CARS1: variants seen among roughly 807,000 people sequenced by gnomAD.
The protein encoded by CARS1 is cysteinyl-tRNA synthetase 1.
CARS1 carries 48 observed loss-of-function variants against 106.2 expected under a neutral mutation model. The observed-to-expected ratio is 0.45, with a 90% CI of 0.36 to 0.57. CARS1 has a LOEUF of 0.57. Among genes scored for constraint, CARS1 ranks in the 20% least tolerant of loss-of-function variants. The pLI, the probability that CARS1 is intolerant of heterozygous loss-of-function variation, is 0.00. For synonymous variants in CARS1, 409 were observed against 403.4 expected (o/e 1.01, Z -0.17); for missense variants, 968 against 1,057.2 (o/e 0.92, Z 1.17).
At chr11:3,031,681 AAGAC>A (rs1237582108) in intron 7 of CARS1, 1 of 152,244 alleles carries the variant, frequency 6.6e-6, no homozygotes, top group Admixed American at 6.5e-5. Flanking sequence ...CCAACAGGAG[AAGAC>A]AGACAATCAC....
Position 3,001,298 on chromosome 11 carries a change from C to A in CARS1, c.2362-50G>T, listed in dbSNP as rs1590297609. 2.5e-6 allele frequency: 4 copies of A among 1,600,678 alleles called. No individual in the cohort carries two copies. In the East Asian group the frequency reaches 8.9e-5, roughly 36 times the overall value. On this transcript the variant is annotated intron_variant, in intron 22 of 22. Coordinates refer to ENST00000380525, the MANE Select transcript of CARS1 (RefSeq NM_001014437.3). ...ATTGGTCTCCTCTGCACCTGGGTAA[C>A]CCCAACTCCCCTTTCTTTGCCCTCC...
Position 3,043,583 on chromosome 11 carries a change from C to T in CARS1, c.275-1327G>A, listed in dbSNP as rs567955570. ...CTGACCTGTGCCCACCCCAGCAGGC[C>T]GCCTGGCAGCTCACCAGGGTGCTCG... On this transcript the variant is annotated intron_variant, in intron 2 of 22. Coordinates refer to ENST00000380525, the MANE Select transcript of CARS1 (RefSeq NM_001014437.3). This position sits in a 1 kb window ranked among gnomAD's most constrained non-coding sequence, Gnocchi z 4.0. 1.3e-5 allele frequency among the ~76,000 whole-genome samples: 2 copies of T among 151,514 alleles called. No individual in the cohort carries two copies. Among genetic ancestry groups the T allele is most frequent in the Non-Finnish European group, 2.9e-5 (2 of 67,896 alleles).
In CARS1 at chr11:3,038,814, A is replaced by G. The variant is rs1854027342; in HGVS notation, c.651+380T>C. Among the ~76,000 whole-genome samples, 1 of 152,260 alleles carries G rather than the reference A, an allele frequency of 6.6e-6. No homozygotes were observed. Among genetic ancestry groups the G allele is most frequent in the Non-Finnish European group, 1.5e-5 (1 of 68,046 alleles). ...AAATTTACAGTATTACCAAATTAAA[A>G]AGCTTAGTATAGCTTTTGTATCTTG... On this transcript the variant is annotated intron_variant, in intron 6 of 22. Transcript: ENST00000380525. This position sits in a 1 kb window ranked among gnomAD's most constrained non-coding sequence, Gnocchi z 4.0.
Position 3,057,269 on chromosome 11 carries a change from G to T in CARS1, c.25+74C>A, listed in dbSNP as rs965447423. ...GGCCCCTCAGACATAAGGACTCGCT[G>T]CCCTTCGAGCCGAGCACCCAGCGCC... On this transcript the variant is annotated intron_variant, in intron 1 of 22. Transcript: ENST00000380525. The T allele has an allele frequency of 9.1e-6, 12 of 1,321,832 alleles. No individual in the cohort carries two copies. The Admixed American group carries it at 1.7e-4, about 18-fold the overall frequency. The allele number at this position is 1,321,832 out of a possible 1,614,324, so 81.9% of individuals were successfully genotyped here. A position where few individuals can be genotyped will look rare whatever the true frequency, so the allele number is the denominator to read the frequency against.
intron 16 of CARS1, among the ~76,000 whole-genome samples, chr11:3,016,222 CT>C (rs34717371): frequency 0.37 from 50,473 of 136,536 alleles, 8,994 homozygotes; most frequent in African/African-American, 0.42. Flanking sequence ...TTTTGCTTCT[CT>C]TTTTTTTTTT....
At position 3,022,250 on chromosome 11, in the gene CARS1, T is replaced by A. The variant is rs139639828; in HGVS notation, c.1154-1918A>T. Among the ~76,000 whole-genome samples, 37 of 152,324 alleles carry A rather than the reference T, an allele frequency of 2.4e-4. No individual in the cohort carries two copies. The East Asian group carries it at 6.0e-3, about 25-fold the overall frequency. ...TTTTACCAAGAACTGCTTAAGGTAT[T>A]TTTTGGATCCTGAATTCCAGCAGGA... is the stretch of plus-strand genomic sequence containing the variant. On this transcript the variant is annotated intron_variant, in intron 10 of 22. Transcript: ENST00000380525. The surrounding 1 kb of genome is among the most constrained non-coding windows in gnomAD (Gnocchi z 4.9).
chr11:3,044,071 G>A lies in CARS1; in HGVS notation c.275-1815C>T, dbSNP rs1030763869. On this transcript the variant is annotated intron_variant, in intron 2 of 22. Coordinates refer to ENST00000380525, the MANE Select transcript of CARS1 (RefSeq NM_001014437.3). The surrounding 1 kb of genome is among the most constrained non-coding windows in gnomAD (Gnocchi z 4.4). ...CTCAATGCCTGGAGGCATTCAACCG[G>A]CCACTCTAGGATCCCATCACTCTCC... Among the ~76,000 whole-genome samples, 3 of 152,160 alleles carry A rather than the reference G, an allele frequency of 2.0e-5. No homozygotes were observed. Among genetic ancestry groups the A allele is most frequent in the South Asian group, 4.1e-4 (2 of 4,828 alleles).
At chr11:3,012,424 C>T (rs1850570957) in intron 17 of CARS1, 148 bp from the exon 18 acceptor site, 1 of 684,470 alleles carries the variant, frequency 1.5e-6, no homozygotes, top group South Asian at 1.7e-5. Context: ...CATCCCAGAG[C>T]CTGGACGCTC....
Position 3,028,598 on chromosome 11 carries a change from G to A in CARS1, c.1031+398C>T, listed in dbSNP as rs1046684086. On this transcript the variant is annotated intron_variant, in intron 9 of 22. Transcript: ENST00000380525. The surrounding 1 kb of genome is among the most constrained non-coding windows in gnomAD (Gnocchi z 4.4). ...AAAGTCACTAAAATCATAGCCAAGC[G>A]ATAGATGCTGATGAAATGCATCCTC... is the stretch of plus-strand genomic sequence containing the variant. The A allele has an allele frequency of 4.0e-5, 11 of 274,986 alleles. No individual in the cohort carries two copies. Among genetic ancestry groups the A allele is most frequent in the African/African-American group, 1.8e-4 (8 of 45,210 alleles). 17.0% of individuals were successfully genotyped at this position (274,986 alleles called of 1,614,324 possible).
chr11:3,036,348 GC>G (rs1377886444), intron 7 of CARS1, among the ~76,000 whole-genome samples: 3 of 152,134 alleles, frequency 2.0e-5, no homozygotes, highest in Admixed American at 2.0e-4. Flanking sequence ...ACACAACCCA[GC>G]GATTCCACTT....
In CARS1 at chr11:3,048,898, A is replaced by G. The variant is rs1434293464; in HGVS notation, c.26-897T>C. ...AAAGCAGTAAGCGTGCACCTCCACC[A>G]CTCAGGTGTGTCACTCAAGGACCCA... On this transcript the variant is annotated intron_variant, in intron 1 of 22. Transcript: ENST00000380525. This position sits in a 1 kb window ranked among gnomAD's most constrained non-coding sequence, Gnocchi z 5.1. 6.6e-6 allele frequency among the ~76,000 whole-genome samples: 1 copy of G among 151,910 alleles called. No homozygotes were observed. Among genetic ancestry groups the G allele is most frequent in the African/African-American group, 2.4e-5 (1 of 41,328 alleles).
In CARS1 at chr11:3,050,911, C is replaced by T. The variant is rs910618385; in HGVS notation, c.26-2910G>A. The stretch of plus-strand genomic sequence containing the variant: ...CCGCATTTCTTTCCTTCACCATCTG[C>T]CCCACCGCTCCATCTACCTTATTCA... On this transcript the variant is annotated intron_variant, in intron 1 of 22. Transcript: ENST00000380525. This position sits in a 1 kb window ranked among gnomAD's most constrained non-coding sequence, Gnocchi z 6.3. Among the ~76,000 whole-genome samples the T allele has an allele frequency of 1.3e-5, 2 of 152,224 alleles. No homozygotes were observed. The highest frequency in any genetic ancestry group is 2.9e-5 in the Non-Finnish European group (2 of 68,040).
chr11:3,010,610 T>TAA (rs1293067257), intron 18 of CARS1, among the ~76,000 whole-genome samples: 1 of 152,176 alleles, frequency 6.6e-6, no homozygotes, highest in Non-Finnish European at 1.5e-5. Context: ...CCAGAGCACT[T>TAA]GTGGCAGCCC....
At position 3,039,698 on chromosome 11, in the gene CARS1, C is replaced by G; in HGVS notation, c.552+137G>C. ...TAGCAGAAGTGGTAATATTAACTCA[C>G]TGAGGGGATTAAAATGATGTTTATC... On this transcript the variant is annotated intron_variant, in intron 5 of 22. Transcript: ENST00000380525. This position sits in a 1 kb window ranked among gnomAD's most constrained non-coding sequence, Gnocchi z 5.6. 2 of 573,226 alleles carry G rather than the reference C, an allele frequency of 3.5e-6. No individual in the cohort carries two copies. The highest frequency in any genetic ancestry group is 6.1e-6 in the Non-Finnish European group (2 of 326,638). The allele number at this position is 573,226 out of a possible 1,614,324, so 35.5% of individuals were successfully genotyped here. A position where few individuals can be genotyped will look rare whatever the true frequency, so the allele number is the denominator to read the frequency against.
chr11:3,048,120 T>C lies in CARS1; in HGVS notation c.26-119A>G. ...GGAAAAAGGTGTTCAAGCCCTTCCC[T>C]GGACGCCAAACATCCAGAACAGGCA... On this transcript the variant is annotated intron_variant, in intron 1 of 22. Coordinates refer to ENST00000380525, the MANE Select transcript of CARS1 (RefSeq NM_001014437.3). The surrounding 1 kb of genome is among the most constrained non-coding windows in gnomAD (Gnocchi z 5.1). 3 of 1,267,566 alleles carry C rather than the reference T, an allele frequency of 2.4e-6. No individual in the cohort carries two copies. The highest frequency in any genetic ancestry group is 3.0e-5 in the South Asian group (2 of 67,022). The allele number at this position is 1,267,566 out of a possible 1,614,324, so 78.5% of individuals were successfully genotyped here. A position where few individuals can be genotyped will look rare whatever the true frequency, so the allele number is the denominator to read the frequency against.
intron 3 of CARS1, 50 bp downstream of exon 3, chr11:3,042,115 T>C: frequency 7.1e-7 from 1 of 1,415,974 alleles, no homozygotes; most frequent in Admixed American, 1.7e-5. Context: ...CTGTCCTGCC[T>C]CCTGCCTCCC....
chr11:3,040,011 A>G lies in CARS1; in HGVS notation c.456-80T>C, dbSNP rs529057161. On this transcript the variant is annotated intron_variant, in intron 4 of 22. Coordinates refer to ENST00000380525, the MANE Select transcript of CARS1 (RefSeq NM_001014437.3). This position sits in a 1 kb window ranked among gnomAD's most constrained non-coding sequence, Gnocchi z 5.8. ...CTCCAACAACACGTGTTTGAACTGCATGAGTGCATTTATATATGATTTTCT... is the reference window on the plus strand; with the variant it reads ...CTCCAACAACACGTGTTTGAACTGCGTGAGTGCATTTATATATGATTTTCT... The G allele has an allele frequency of 3.4e-5, 24 of 705,114 alleles. No homozygotes were observed. The South Asian group carries it at 4.0e-4, about 12-fold the overall frequency. 43.7% of individuals were successfully genotyped at this position (705,114 alleles called of 1,614,324 possible).
At chr11:3,026,576 A>C in intron 10 of CARS1, 100 bp downstream of exon 10, 3 of 1,266,192 alleles carry the variant, frequency 2.4e-6, no homozygotes, top group Non-Finnish European at 3.3e-6. Context: ...CAAGAGTCTG[A>C]GGGGTGGGCT....
intron 7 of CARS1, among the ~76,000 whole-genome samples, chr11:3,036,621 G>A (rs925646786): frequency 2.6e-5 from 4 of 152,188 alleles, no homozygotes; most frequent in Admixed American, 2.0e-4. Context: ...CGGTGGTTAC[G>A]CAGAATATCA....
Sources: allele counts gnomAD v4.1 joint callset (sites outside exome capture counted in the v4.1 genomes callset), GRCh38; gene constraint gnomAD v4.1.1; non-coding constraint Gnocchi (gnomAD v3.1); transcripts MANE v1.5; gene names NCBI Gene and HGNC (gene_info 2026-07-23, HGNC 2026-07-21).